Variants in KCND2 observed in about 807,000 individuals in gnomAD.
KCND2 encodes the protein potassium voltage-gated channel subfamily D member 2.
A neutral mutation model predicts 54.4 loss-of-function variants in KCND2; 16 were observed. The observed-to-expected ratio is 0.29, with a 90% CI of 0.20 to 0.45. The LOEUF (loss-of-function observed/expected upper bound fraction) is 0.45. KCND2 is among the 20% of genes least tolerant of loss of function. The probability of loss-of-function intolerance (pLI) is 1.00; values close to 1 mark genes in which losing one functional copy is unlikely to be tolerated. For synonymous variants in KCND2, 317 were observed against 310.7 expected (o/e 1.02, Z -0.21); for missense variants, 486 against 824.2 (o/e 0.59, Z 5.02).
intron 1 of KCND2, among the ~76,000 whole-genome samples, chr7:120,419,696 G>A (rs1442845977): frequency 6.6e-6 from 1 of 152,134 alleles, no homozygotes; most frequent in Non-Finnish European, 1.5e-5. Context: ...TACACATGAT[G>A]TATATAGAAA....
At chr7:120,356,340 A>G (rs752113801) in intron 1 of KCND2, among the ~76,000 whole-genome samples, 2 of 152,152 alleles carry the variant, frequency 1.3e-5, no homozygotes, top group Non-Finnish European at 2.9e-5. Flanking sequence ...CATGTAAACT[A>G]TAGTTACACT....
intron 1 of KCND2, among the ~76,000 whole-genome samples, chr7:120,415,654 C>A (rs1459009119): frequency 6.6e-6 from 1 of 152,152 alleles, no homozygotes; most frequent in Non-Finnish European, 1.5e-5. Flanking sequence ...CCTTTTCATT[C>A]TGTAGTCTTC....
chr7:120,635,890 T>G (rs577531887), intron 1 of KCND2, among the ~76,000 whole-genome samples: 7 of 152,308 alleles, frequency 4.6e-5, no homozygotes, highest in Admixed American at 3.9e-4. Flanking sequence ...CTTAAATGAT[T>G]TCAAAACATT....
intron 1 of KCND2, among the ~76,000 whole-genome samples, chr7:120,665,449 C>T (rs1326394831): frequency 1.3e-5 from 2 of 152,020 alleles, no homozygotes; most frequent in African/African-American, 4.8e-5. Context: ...ATTAATTCCT[C>T]ATTAACTAGT....
At chr7:120,506,554 C>A (rs929731029) in intron 1 of KCND2, among the ~76,000 whole-genome samples, 3 of 151,852 alleles carry the variant, frequency 2.0e-5, no homozygotes, top group Non-Finnish European at 4.4e-5. Flanking sequence ...AGACCCTATT[C>A]ATTAGACCAA....
At chr7:120,534,658 A>AC (rs1279897319) in intron 1 of KCND2, among the ~76,000 whole-genome samples, 1 of 152,186 alleles carries the variant, frequency 6.6e-6, no homozygotes, top group Non-Finnish European at 1.5e-5. Context: ...AATTGTGACA[A>AC]CCTATATACT....
rs143930353 is a variant in KCND2 at position 120,422,961 on chromosome 7, A to G, written c.1115+147214A>G. ...CAGTCTGTCCCAGGTCTTATTCTGC[A>G]TTGAGACCCTCTTCAGACATTTCTG... is the stretch of plus-strand genomic sequence containing the variant. On this transcript the variant is annotated intron_variant, in intron 1 of 5. Transcript: ENST00000331113. 8.5e-3 allele frequency among the ~76,000 whole-genome samples: 1,302 copies of G among 152,292 alleles called. 14 individuals carry two copies. Among genetic ancestry groups the G allele is most frequent in the African/African-American group, 0.03 (1,235 of 41,566 alleles).
In KCND2 at chr7:120,516,289, G is replaced by A. The variant is rs542365496; in HGVS notation, c.1116-216614G>A. ...TTTTATTATGTTTATTACAATACACGTATCCAAACAAATACACGCCAAGAG... is the reference window on the plus strand; with the variant it reads ...TTTTATTATGTTTATTACAATACACATATCCAAACAAATACACGCCAAGAG... On this transcript the variant is annotated intron_variant, in intron 1 of 5. Coordinates refer to ENST00000331113, the MANE Select transcript of KCND2 (RefSeq NM_012281.3). Among the ~76,000 whole-genome samples the A allele has an allele frequency of 1.6e-4, 24 of 152,084 alleles. No individual in the cohort carries two copies. The East Asian group carries it at 1.7e-3, about 11-fold the overall frequency.
At chr7:120,405,132 A>AT (rs1331565151) in intron 1 of KCND2, among the ~76,000 whole-genome samples, 6 of 151,960 alleles carry the variant, frequency 3.9e-5, no homozygotes, top group Admixed American at 1.3e-4. Flanking sequence ...AAAGATCTAC[A>AT]TTTTTTTTCA....
chr7:120,493,893 G>C (rs1199302938), intron 1 of KCND2, among the ~76,000 whole-genome samples: 1 of 151,974 alleles, frequency 6.6e-6, no homozygotes, highest in Admixed American at 6.6e-5. Flanking sequence ...TATGTAATTG[G>C]TAAATAAATC....
chr7:120,305,960 A>G (rs77100235), intron 1 of KCND2, among the ~76,000 whole-genome samples: 11 of 152,294 alleles, frequency 7.2e-5, no homozygotes, highest in South Asian at 4.1e-4. Context: ...CCTAACATCT[A>G]TGAGAATGGT....
chr7:120,650,830 A>G lies in KCND2; in HGVS notation c.1116-82073A>G, dbSNP rs1263229593. Reference sequence around the variant, plus strand: ...CTTTCTGTTTGTTAGTTTTCCTTCTAACAGTCAGGACCCTCAGCTGCAGGT... The same window carrying G: ...CTTTCTGTTTGTTAGTTTTCCTTCTGACAGTCAGGACCCTCAGCTGCAGGT... On this transcript the variant is annotated intron_variant, in intron 1 of 5. Coordinates refer to ENST00000331113, the MANE Select transcript of KCND2 (RefSeq NM_012281.3). Among the ~76,000 whole-genome samples, 9 of 143,632 alleles carry G rather than the reference A, an allele frequency of 6.3e-5. 2 individuals are homozygous for G. Among genetic ancestry groups the G allele is most frequent in the Admixed American group, 2.0e-4 (3 of 14,794 alleles). The allele number at this position is 143,632 out of a possible 152,430, so 94.2% of individuals were successfully genotyped here. A position where few individuals can be genotyped will look rare whatever the true frequency, so the allele number is the denominator to read the frequency against.
At chr7:120,670,053 G>A (rs549884829) in intron 1 of KCND2, among the ~76,000 whole-genome samples, 1 of 152,120 alleles carries the variant, frequency 6.6e-6, no homozygotes, top group South Asian at 2.1e-4. Flanking sequence ...TGGGAACAGT[G>A]TACACTGCTC....
At chr7:120,741,403 T>C (rs1792938990) in intron 2 of KCND2, 131 bp from the exon 3 acceptor site, 1 of 693,734 alleles carries the variant, frequency 1.4e-6, no homozygotes, top group Non-Finnish European at 2.6e-6. Flanking sequence ...TAATTTTCAA[T>C]AGTTGCATTT....
At chr7:120,492,771 G>A (rs140691288) in intron 1 of KCND2, among the ~76,000 whole-genome samples, 462 of 152,100 alleles carry the variant, frequency 3.0e-3, no homozygotes, top group African/African-American at 0.011. Flanking sequence ...TTGGCCTAGC[G>A]TGCCATAAAT....
Position 120,745,963 on chromosome 7 carries a change from G to A in KCND2, c.1651G>A (p.Gly551Ser). The part of the protein sequence containing the change: ...PNANVSGSHQ[G>S]SIQELSTIQI... Reference sequence around the variant, plus strand: ...TGCCAATGTATCAGGAAGCCATCAAGGTAGTATACAAGAACTCAGCACGAT... The same window carrying A: ...TGCCAATGTATCAGGAAGCCATCAAAGTAGTATACAAGAACTCAGCACGAT... Residue 551 changes from glycine to serine, a missense_variant, in exon 5 of 6, where the codon GGT becomes AGT. Gly to Ser is a moderately conservative substitution (Grantham distance 56). Coordinates refer to ENST00000331113, the MANE Select transcript of KCND2 (RefSeq NM_012281.3). 3 of 1,613,802 alleles carry A rather than the reference G, an allele frequency of 1.9e-6. No individual in the cohort carries two copies. The highest frequency in any genetic ancestry group is 1.1e-5 in the South Asian group (1 of 91,078).
intron 1 of KCND2, among the ~76,000 whole-genome samples, chr7:120,376,690 GATTCA>G (rs1800839345): frequency 6.6e-6 from 1 of 151,578 alleles, no homozygotes; most frequent in African/African-American, 2.4e-5. Context: ...TGATCCATTT[GATTCA>G]ATTCAATAGC....
chr7:120,729,638 GT>G (rs1792780340), intron 1 of KCND2, among the ~76,000 whole-genome samples: 1 of 152,174 alleles, frequency 6.6e-6, no homozygotes, highest in African/African-American at 2.4e-5. Context: ...GGGAAACTCT[GT>G]GTCTCTACCC....
chr7:120,584,841 TATTGGGTTTGTAA>T (rs1792572486), intron 1 of KCND2, among the ~76,000 whole-genome samples: 1 of 152,258 alleles, frequency 6.6e-6, no homozygotes, highest in Non-Finnish European at 1.5e-5. Context: ...TATGCAATTG[TATTGGGTTTGTAA>T]AAGAAGAATA....
Sources: gnomAD v4.1 joint callset for allele counts (sites outside exome capture counted in the v4.1 genomes callset) on GRCh38, gnomAD v4.1.1 for gene constraint, MANE v1.5 for transcripts, NCBI Gene and HGNC (gene_info 2026-07-23, HGNC 2026-07-21) for gene names.